Variants in MAPK14 observed in about 807,000 individuals in gnomAD.
MAPK14 encodes mitogen-activated protein kinase 14.
In MAPK14, 16 loss-of-function variants were observed where a neutral mutation model predicts 49.6. That is an observed-to-expected ratio of 0.32 (90% CI 0.22 to 0.49). The LOEUF is 0.49. Among genes scored for constraint, MAPK14 ranks in the 20% least tolerant of loss-of-function variants. The pLI, the probability that MAPK14 is intolerant of heterozygous loss-of-function variation, is 0.99. For synonymous variants in MAPK14, 142 were observed against 158.0 expected (o/e 0.90, Z 0.76); for missense variants, 200 against 441.2 (o/e 0.45, Z 4.90).
chr6:36,099,483 T>G (rs1480678953), intron 9 of MAPK14, among the ~76,000 whole-genome samples: 1 of 152,254 alleles, frequency 6.6e-6, no homozygotes. Flanking sequence ...GAGGTTAGTC[T>G]GTTCGCTAGT....
intron 9 of MAPK14, among the ~76,000 whole-genome samples, chr6:36,101,085 C>T (rs1765617355): frequency 6.6e-6 from 1 of 152,156 alleles, no homozygotes; most frequent in Admixed American, 6.5e-5. Flanking sequence ...CTTTTCAAAT[C>T]AGAAAGATTC....
At position 36,074,856 on chromosome 6, in the gene MAPK14, C is replaced by T. The variant is rs371335613; in HGVS notation, c.495+760C>T. 7.9e-5 allele frequency among the ~76,000 whole-genome samples: 12 copies of T among 152,012 alleles called. No homozygotes were observed. The East Asian group carries it at 1.4e-3, about 17-fold the overall frequency. The stretch of plus-strand genomic sequence containing the variant: ...GTGTCGATCTCCTGACCTCGTGATC[C>T]ACCTGCCTCGGCCTCTCAAAGTGCT... On this transcript the variant is annotated intron_variant, in intron 6 of 11. Coordinates refer to ENST00000229794, the MANE Select transcript of MAPK14 (RefSeq NM_139012.3).
chr6:36,061,058 A>G (rs1763802397), intron 3 of MAPK14, among the ~76,000 whole-genome samples: 1 of 152,220 alleles, frequency 6.6e-6, no homozygotes, highest in Non-Finnish European at 1.5e-5. Flanking sequence ...GCCCTACTGT[A>G]TGCTATAGTT....
chr6:36,046,121 G>C (rs113463909), intron 1 of MAPK14, among the ~76,000 whole-genome samples: 2,231 of 152,272 alleles, frequency 0.015, 60 homozygotes, highest in African/African-American at 0.045. Flanking sequence ...ATCCTTGTGT[G>C]TTATGTACTG....
chr6:36,031,348 G>A (rs1762536484), intron 1 of MAPK14, among the ~76,000 whole-genome samples: 1 of 151,996 alleles, frequency 6.6e-6, no homozygotes, highest in South Asian at 2.1e-4. Flanking sequence ...CTTTTTAGGT[G>A]TGGCAGAAAA....
chr6:36,070,210 A>G (rs1764214194), intron 3 of MAPK14, among the ~76,000 whole-genome samples: 1 of 152,204 alleles, frequency 6.6e-6, no homozygotes, highest in Non-Finnish European at 1.5e-5. Flanking sequence ...TGTGACGTTT[A>G]AAGAGTTTTA....
Position 36,107,780 on chromosome 6 carries a change from CAGTGATA to C in MAPK14, c.1015+153_1015+159del. On this transcript the variant is annotated intron_variant, in intron 11 of 11. Transcript: ENST00000229794. The surrounding 1 kb of genome is among the most constrained non-coding windows in gnomAD (Gnocchi z 4.3). ...GTTCTCTGGTGGAAACTGTTGTAGA[CAGTGATA>C]CTCTCTGGACCTTTGAGATACTTAT... 2.0e-6 allele frequency: 1 copy of C among 512,378 alleles called. No individual in the cohort carries two copies. The allele number at this position is 512,378 out of a possible 1,614,324, so 31.7% of individuals were successfully genotyped here.
chr6:36,056,920 C>A (rs1279387898), intron 2 of MAPK14, among the ~76,000 whole-genome samples: 1 of 152,052 alleles, frequency 6.6e-6, no homozygotes, highest in Non-Finnish European at 1.5e-5. Flanking sequence ...AGGAGTATAC[C>A]AAACTCAAGG....
intron 11 of MAPK14, 132 bp from the exon 12 acceptor site, chr6:36,108,248 C>A: frequency 1.5e-6 from 1 of 687,956 alleles, no homozygotes; most frequent in Admixed American, 2.2e-5. Flanking sequence ...CTATTACATA[C>A]AAGCTGTGAG....
chr6:36,076,813 T>G (rs1472380885), intron 8 of MAPK14: 2 of 442,366 alleles, frequency 4.5e-6, no homozygotes. Context: ...TTGGAAAAAT[T>G]CCTCATAAGT....
At chr6:36,073,409 T>C (rs1208831249) in intron 4 of MAPK14, among the ~76,000 whole-genome samples, 1 of 152,206 alleles carries the variant, frequency 6.6e-6, no homozygotes, top group Non-Finnish European at 1.5e-5. Context: ...TAAACAGTGT[T>C]TTAAAATTAA....
chr6:36,040,417 G>A (rs1762921015), intron 1 of MAPK14, among the ~76,000 whole-genome samples: 1 of 152,086 alleles, frequency 6.6e-6, no homozygotes, highest in South Asian at 2.1e-4. Context: ...AACTAGATGG[G>A]ATAACATGAA....
chr6:36,096,207 C>T (rs1213735655), intron 9 of MAPK14, 141 bp downstream of exon 9: 1 of 630,490 alleles, frequency 1.6e-6, no homozygotes, highest in East Asian at 2.7e-5. Flanking sequence ...AGGTATAAGA[C>T]AGTGTGAGTG....
At chr6:36,106,909 A>G (rs1392609974) in intron 10 of MAPK14, among the ~76,000 whole-genome samples, 2 of 150,376 alleles carry the variant, frequency 1.3e-5, no homozygotes, top group Non-Finnish European at 2.9e-5. Flanking sequence ...GCTTAGGGGG[A>G]CAAAAAAAAA....
chr6:36,028,323 C>A lies in MAPK14; in HGVS notation c.116+50C>A. 7.4e-7 allele frequency: 1 copy of A among 1,350,038 alleles called. No homozygotes were observed. The highest frequency in any genetic ancestry group is 1.1e-6 in the Non-Finnish European group (1 of 942,382). The allele number at this position is 1,350,038 out of a possible 1,614,324, so 83.6% of individuals were successfully genotyped here. ...GCTGTGGGCAGGGTGGCCCCTCGCGCCCGAGGGCCAGGCCTGCTCCACTGC... is the reference window on the plus strand; with the variant it reads ...GCTGTGGGCAGGGTGGCCCCTCGCGACCGAGGGCCAGGCCTGCTCCACTGC... On this transcript the variant is annotated intron_variant, in intron 1 of 11. Coordinates refer to ENST00000229794, the MANE Select transcript of MAPK14 (RefSeq NM_139012.3). This position sits in a 1 kb window ranked among gnomAD's most constrained non-coding sequence, Gnocchi z 5.1.
rs1042838670 is a variant in MAPK14, at chr6:36,027,836, G to A, written c.-322G>A. 8 of 401,236 alleles carry A rather than the reference G, an allele frequency of 2.0e-5. No individual in the cohort carries two copies. Among genetic ancestry groups the A allele is most frequent in the African/African-American group, 1.4e-4 (7 of 48,656 alleles). The allele number at this position is 401,236 out of a possible 1,614,324, so 24.9% of individuals were successfully genotyped here. On this transcript the variant is annotated 5_prime_UTR_variant, in exon 1 of 12. Coordinates refer to ENST00000229794, the MANE Select transcript of MAPK14 (RefSeq NM_139012.3). ...GGAGCCTTAGCGGGCGCAGCAGCTG[G>A]AACGGGAGTACTGCGACGCAGCCCG...
intron 8 of MAPK14, chr6:36,091,993 A>G: frequency 2.8e-6 from 1 of 357,404 alleles, no homozygotes; most frequent in South Asian, 2.5e-5. Flanking sequence ...TTGGCCTTAA[A>G]ATTTCAGGAC....
At chr6:36,119,550 T>G in the MAPK14 span, among the ~76,000 whole-genome samples, 2 of 152,096 alleles carry the variant, frequency 1.3e-5, no homozygotes, top group African/African-American at 2.4e-5. Context: ...TAAACTGCAG[T>G]ATGTATTCAT....
intron 1 of MAPK14, among the ~76,000 whole-genome samples, chr6:36,039,958 T>G (rs988473078): frequency 1.4e-5 from 2 of 147,716 alleles, no homozygotes; most frequent in East Asian, 4.0e-4. Flanking sequence ...ATCACTCCCC[T>G]GCACTCCTGT....
Sources: gnomAD v4.1 joint callset for allele counts (sites outside exome capture counted in the v4.1 genomes callset) on GRCh38, gnomAD v4.1.1 for gene constraint, Gnocchi (gnomAD v3.1) non-coding constraint, MANE v1.5 for transcripts, NCBI Gene and HGNC (gene_info 2026-07-23, HGNC 2026-07-21) for gene names.